ERC1: variants seen among roughly 807,000 people sequenced by gnomAD.
The protein encoded by ERC1 is ELKS/RAB6-interacting/CAST family member 1.
ERC1 carries 56 observed loss-of-function variants against 132.0 expected under a neutral mutation model. That is an observed-to-expected ratio of 0.42 (90% confidence interval 0.34 to 0.53). ERC1 has a LOEUF of 0.53. Among genes scored for constraint, ERC1 ranks in the 20% least tolerant of loss-of-function variants. The probability of loss-of-function intolerance (pLI) is 0.03; values close to 1 mark genes in which losing one functional copy is unlikely to be tolerated. For synonymous variants in ERC1, 478 were observed against 476.1 expected (o/e 1.00, Z -0.05); for missense variants, 1,202 against 1,349.9 (o/e 0.89, Z 1.72).
At position 1,328,654 on chromosome 12, in the gene ERC1, T is replaced by TC. The variant is rs375307708; in HGVS notation, c.2780+38648dup. Among the ~76,000 whole-genome samples, 387 of 151,168 alleles carry TC rather than the reference T, an allele frequency of 2.6e-3. 1 individual carries two copies. Among genetic ancestry groups the TC allele is most frequent in the African/African-American group, 8.4e-3 (343 of 40,952 alleles). ...TTCCCCCTCTTGCCTTTTTCCTTTCTCCCCCCTCCCCTTTTCTCCCTCAGT... is the reference window on the plus strand; with the variant it reads ...TTCCCCCTCTTGCCTTTTTCCTTTCTCCCCCCCTCCCCTTTTCTCCCTCAGT... On this transcript the variant is annotated intron_variant, in intron 15 of 18. Transcript: ENST00000360905.
intron 15 of ERC1, among the ~76,000 whole-genome samples, chr12:1,315,677 ATTTT>A (rs1368933630): frequency 2.6e-5 from 4 of 151,854 alleles, no homozygotes; most frequent in Non-Finnish European, 5.9e-5. Flanking sequence ...TCTCAGACTT[ATTTT>A]TTTACTAGTT....
At chr12:1,318,844 C>T (rs2081939048) in intron 15 of ERC1, among the ~76,000 whole-genome samples, 1 of 151,488 alleles carries the variant, frequency 6.6e-6, no homozygotes, top group African/African-American at 2.4e-5. Context: ...GAGGCCTCCA[C>T]AGAGATCAGT....
chr12:1,074,154 G>T (rs983703638), intron 2 of ERC1, among the ~76,000 whole-genome samples: 1 of 151,710 alleles, frequency 6.6e-6, no homozygotes, highest in Non-Finnish European at 1.5e-5. Flanking sequence ...GAGCCACCAT[G>T]CCTGGCCTGT....
intron 15 of ERC1, among the ~76,000 whole-genome samples, chr12:1,296,382 G>T (rs1427433298): frequency 1.5e-5 from 2 of 134,692 alleles, no homozygotes; most frequent in Non-Finnish European, 3.2e-5. Context: ...AAATAGAAAT[G>T]AAACATTTAT....
chr12:1,113,501 C>T (rs1946113694), intron 6 of ERC1, among the ~76,000 whole-genome samples: 1 of 152,110 alleles, frequency 6.6e-6, no homozygotes, highest in Non-Finnish European at 1.5e-5. Flanking sequence ...AAAGTGTCAG[C>T]AAAAACTGCT....
At chr12:1,386,598 A>G (rs1191843371) in intron 16 of ERC1, 3 of 139,344 alleles carry the variant, frequency 2.2e-5, no homozygotes, top group Non-Finnish European at 4.5e-5. Flanking sequence ...CAGTGAGCCA[A>G]GATTGCACCA....
At chr12:1,401,860 G>A (rs2091101109) in intron 16 of ERC1, among the ~76,000 whole-genome samples, 1 of 152,046 alleles carries the variant, frequency 6.6e-6, no homozygotes, top group Non-Finnish European at 1.5e-5. Flanking sequence ...TATATGAAAG[G>A]AGAATTAATG....
chr12:1,404,506 A>G (rs115645986), intron 16 of ERC1, among the ~76,000 whole-genome samples: 69 of 152,312 alleles, frequency 4.5e-4, no homozygotes, highest in African/African-American at 1.5e-3. Context: ...ACAGAAGAAA[A>G]ACATTATTTT....
Position 1,444,950 on chromosome 12 carries a change from G to A in ERC1, c.3213+200G>A, listed in dbSNP as rs2093263756. The A allele has an allele frequency of 1.2e-5, 5 of 411,016 alleles. No individual in the cohort carries two copies. The East Asian group carries it at 1.4e-4, about 12-fold the overall frequency. 25.5% of individuals were successfully genotyped at this position (411,016 alleles called of 1,614,324 possible). ...TTCCATGTTTAGATTCAAGATTTGG[G>A]GGGTGGGGAGGGGTTTCCAGATATA... On this transcript the variant is annotated intron_variant, in intron 18 of 18. Coordinates refer to ENST00000360905, the MANE Select transcript of ERC1 (RefSeq NM_178040.4).
Position 1,262,948 on chromosome 12 carries a change from A to C in ERC1, c.2488-86A>C, listed in dbSNP as rs2286031. 1,482 of 1,363,654 alleles carry C rather than the reference A, an allele frequency of 1.1e-3. 16 individuals carry two copies. In the African/African-American group the frequency reaches 0.018, roughly 17 times the overall value. The allele number at this position is 1,363,654 out of a possible 1,614,324, so 84.5% of individuals were successfully genotyped here. ...TTGCTTCTGATGGAAAGAACATTTA[A>C]TAAGCAAACAGCCCTTTCTTAATAA... On this transcript the variant is annotated intron_variant, in intron 13 of 18. Transcript: ENST00000360905.
intron 14 of ERC1, among the ~76,000 whole-genome samples, chr12:1,280,109 A>G (rs1412760913): frequency 1.3e-5 from 2 of 152,110 alleles, no homozygotes; most frequent in Non-Finnish European, 1.5e-5. Context: ...TTCGCTTGTA[A>G]TGAGTTCTTG....
intron 17 of ERC1, among the ~76,000 whole-genome samples, chr12:1,427,904 G>A (rs1240686191): frequency 2.0e-5 from 3 of 152,176 alleles, no homozygotes; most frequent in Non-Finnish European, 4.4e-5. Flanking sequence ...GTAATTTGGG[G>A]TAGAACCTTT....
chr12:1,401,971 A>C (rs1222376082), intron 16 of ERC1, among the ~76,000 whole-genome samples: 1 of 152,158 alleles, frequency 6.6e-6, no homozygotes, highest in African/African-American at 2.4e-5. Flanking sequence ...AAACAGACTG[A>C]GAAGGTACAT....
intron 18 of ERC1, among the ~76,000 whole-genome samples, chr12:1,483,742 T>C (rs1037412111): frequency 5.4e-5 from 7 of 130,526 alleles, no homozygotes; most frequent in African/African-American, 8.5e-5. Flanking sequence ...CAGGCTGGAG[T>C]GCAGTGGCGC....
At chr12:1,040,324 C>CTT (rs956609769) in intron 2 of ERC1, among the ~76,000 whole-genome samples, 60 of 138,038 alleles carry the variant, frequency 4.3e-4, no homozygotes, top group South Asian at 9.3e-4. Context: ...TTTCTTTTTT[C>CTT]TTTTTTTTTT....
intron 13 of ERC1, among the ~76,000 whole-genome samples, chr12:1,255,621 CTTTTTTTTTTTTTTTT>C (rs757949030): frequency 4.9e-5 from 3 of 61,558 alleles, no homozygotes; most frequent in Non-Finnish European, 9.8e-5. Context: ...GCTTCCTGGC[CTTTTTTTTTTTTTTTT>C]TTTTTTTTTT....
rs1967141953 is a variant in ERC1, at chr12:1,027,763, C to T, written c.-141C>T. The T allele has an allele frequency of 3.0e-6, 2 of 665,570 alleles. No individual in the cohort carries two copies. The highest frequency in any genetic ancestry group is 2.5e-5 in the East Asian group (1 of 39,934). The allele number at this position is 665,570 out of a possible 1,614,324, so 41.2% of individuals were successfully genotyped here. On this transcript the variant is annotated 5_prime_UTR_variant, in exon 2 of 19. Transcript: ENST00000360905. ...TTCATTACAGATATGGTGTAAGATA[C>T]TTCTTCAAGATTGGACAGCTGGGGA...
At chr12:1,029,905 G>C (rs1000332107) in intron 2 of ERC1, among the ~76,000 whole-genome samples, 1 of 151,876 alleles carries the variant, frequency 6.6e-6, no homozygotes, top group Non-Finnish European at 1.5e-5. Context: ...CCGCCACCAC[G>C]CCTGGCTAAT....
intron 17 of ERC1, among the ~76,000 whole-genome samples, chr12:1,428,491 C>T (rs1232773885): frequency 6.6e-6 from 1 of 152,104 alleles, no homozygotes; most frequent in Admixed American, 6.6e-5. Context: ...CCTAGTGTGC[C>T]TTCTAGAATG....
Sources: gnomAD v4.1 joint callset for allele counts (sites outside exome capture counted in the v4.1 genomes callset) on GRCh38, gnomAD v4.1.1 for gene constraint, MANE v1.5 for transcripts, NCBI Gene and HGNC (gene_info 2026-07-23, HGNC 2026-07-21) for gene names.